Variants in NR2F1-AS1 observed in about 807,000 individuals in gnomAD.
NR2F1-AS1 encodes the protein NR2F1 regulatory antisense RNA 1.
intron 4 of NR2F1-AS1, among the ~76,000 whole-genome samples, chr5:93,483,561 C>G (rs951332938): frequency 6.6e-6 from 1 of 152,156 alleles, no homozygotes; most frequent in Non-Finnish European, 1.5e-5. Flanking sequence ...GATCACTACT[C>G]CTCACCAGCA....
intron 4 of NR2F1-AS1, chr5:93,423,231 G>C (rs2149843379): frequency 6.6e-6 from 1 of 152,190 alleles, no homozygotes; most frequent in African/African-American, 2.4e-5. Flanking sequence ...TCCTGATCCG[G>C]GGCCTCTCCT....
chr5:93,445,542 G>A (rs1259242062), intron 4 of NR2F1-AS1, among the ~76,000 whole-genome samples: 3 of 151,940 alleles, frequency 2.0e-5, no homozygotes, highest in Non-Finnish European at 4.4e-5. Context: ...CTCTGAAATT[G>A]AGGCAATAAT....
chr5:93,515,852 T>C (rs1265752308), intron 4 of NR2F1-AS1, among the ~76,000 whole-genome samples: 1 of 151,942 alleles, frequency 6.6e-6, no homozygotes, highest in Non-Finnish European at 1.5e-5. Context: ...TACTTATTTA[T>C]GGTTAAACAT....
intron 4 of NR2F1-AS1, among the ~76,000 whole-genome samples, chr5:93,470,422 G>T (rs1490324960): frequency 6.6e-6 from 1 of 151,688 alleles, no homozygotes; most frequent in Admixed American, 6.6e-5. Context: ...AAGACCCATT[G>T]CACAGGACCC....
At position 93,575,988 on chromosome 5, in the gene NR2F1-AS1, G is replaced by C. The variant is rs560606067; in HGVS notation, n.313+4479C>G. On this transcript the variant is annotated intron_variant and non_coding_transcript_variant, in intron 1 of 5. Transcript: ENST00000660523. ...TCTATGAAAGCTCAGCTAGCTGTCC[G>C]CATGCATGTATTCACTTCTGGAGTA... is the stretch of plus-strand genomic sequence containing the variant. 3.9e-5 allele frequency among the ~76,000 whole-genome samples: 6 copies of C among 152,264 alleles called. No individual in the cohort carries two copies. In the South Asian group the frequency reaches 6.2e-4, roughly 16 times the overall value.
At chr5:93,440,580 A>T (rs1293381965) in intron 4 of NR2F1-AS1, among the ~76,000 whole-genome samples, 1 of 152,110 alleles carries the variant, frequency 6.6e-6, no homozygotes, top group Non-Finnish European at 1.5e-5. Flanking sequence ...GAACTATACC[A>T]CGAGCTCTCC....
At chr5:93,527,783 T>A (rs1223389720) in intron 4 of NR2F1-AS1, among the ~76,000 whole-genome samples, 1 of 152,200 alleles carries the variant, frequency 6.6e-6, no homozygotes, top group Non-Finnish European at 1.5e-5. Context: ...TTGGGAAAAC[T>A]GGCTAGCCAT....
intron 4 of NR2F1-AS1, among the ~76,000 whole-genome samples, chr5:93,467,392 G>A (rs985613092): frequency 6.6e-6 from 1 of 151,870 alleles, no homozygotes; most frequent in Non-Finnish European, 1.5e-5. Flanking sequence ...ATTTTCCAAG[G>A]CATCCTCTCC....
intron 4 of NR2F1-AS1, among the ~76,000 whole-genome samples, chr5:93,444,897 C>A (rs929362591): frequency 6.6e-6 from 1 of 152,196 alleles, no homozygotes; most frequent in Non-Finnish European, 1.5e-5. Flanking sequence ...TTAAGAAACT[C>A]ACTCAAAACT....
At chr5:93,422,566 T>C (rs1749111504) in intron 4 of NR2F1-AS1, 1 of 152,224 alleles carries the variant, frequency 6.6e-6, no homozygotes, top group Non-Finnish European at 1.5e-5. Flanking sequence ...TGAAAAGGCT[T>C]TCCTTTTCCT....
intron 4 of NR2F1-AS1, among the ~76,000 whole-genome samples, chr5:93,525,504 T>C (rs901768089): frequency 1.3e-5 from 2 of 151,438 alleles, no homozygotes; most frequent in East Asian, 3.9e-4. Context: ...TCTGGATAAG[T>C]GGACCTAATA....
intron 4 of NR2F1-AS1, among the ~76,000 whole-genome samples, chr5:93,505,926 G>C (rs1341127303): frequency 1.3e-5 from 2 of 152,192 alleles, no homozygotes; most frequent in Non-Finnish European, 2.9e-5. Flanking sequence ...AATTTCTGCA[G>C]CTGGCTTGAA....
chr5:93,438,486 C>T (rs1330544797), intron 4 of NR2F1-AS1, among the ~76,000 whole-genome samples: 1 of 152,210 alleles, frequency 6.6e-6, no homozygotes, highest in Non-Finnish European at 1.5e-5. Context: ...CTTAATTTCT[C>T]TCAAACTATC....
chr5:93,498,305 T>C (rs1376185632), intron 4 of NR2F1-AS1, among the ~76,000 whole-genome samples: 1 of 152,134 alleles, frequency 6.6e-6, no homozygotes, highest in East Asian at 1.9e-4. Flanking sequence ...TTTAATAGTC[T>C]TTCTTGCCTT....
At chr5:93,522,979 C>T (rs1561481796) in intron 4 of NR2F1-AS1, among the ~76,000 whole-genome samples, 2 of 151,770 alleles carry the variant, frequency 1.3e-5, no homozygotes, top group Non-Finnish European at 2.9e-5. Flanking sequence ...CCAGTGGTGC[C>T]TGGAACACCA....
chr5:93,564,362 A>G (rs1158667929), intron 1 of NR2F1-AS1, among the ~76,000 whole-genome samples: 4 of 152,066 alleles, frequency 2.6e-5, no homozygotes, highest in African/African-American at 9.7e-5. Context: ...CTCCAGTTAC[A>G]TTGCTATTTT....
At chr5:93,463,309 G>C (rs1018042905) in intron 4 of NR2F1-AS1, among the ~76,000 whole-genome samples, 1 of 152,218 alleles carries the variant, frequency 6.6e-6, no homozygotes, top group African/African-American at 2.4e-5. Context: ...TGTTGAACCT[G>C]TGGGTACACA....
At chr5:93,452,323 T>C (rs1163302710) in intron 4 of NR2F1-AS1, among the ~76,000 whole-genome samples, 1 of 152,120 alleles carries the variant, frequency 6.6e-6, no homozygotes, top group African/African-American at 2.4e-5. Flanking sequence ...TATGAAACAA[T>C]AGTTTTCAGA....
intron 4 of NR2F1-AS1, among the ~76,000 whole-genome samples, chr5:93,480,037 A>G (rs1289001402): frequency 1.3e-5 from 2 of 152,144 alleles, no homozygotes; most frequent in Non-Finnish European, 2.9e-5. Context: ...TACAGGACTT[A>G]TAGGACATCA....
Sources: gnomAD v4.1 joint callset for allele counts (sites outside exome capture counted in the v4.1 genomes callset) on GRCh38, gnomAD v4.1.1 for gene constraint, MANE v1.5 for transcripts, NCBI Gene and HGNC (gene_info 2026-07-23, HGNC 2026-07-21) for gene names.